Variants in ANKRD31 observed in about 807,000 individuals in gnomAD.
The protein encoded by ANKRD31 is ankyrin repeat domain 31.
In ANKRD31, 147 loss-of-function variants were observed where a neutral mutation model predicts 186.0. The ratio of observed to expected loss-of-function variants is 0.79; its 90% CI spans 0.69 to 0.91. ANKRD31 has a LOEUF of 0.91. Among genes scored for constraint, ANKRD31 ranks in the 40% least tolerant of loss-of-function variants. The pLI, the probability that ANKRD31 is intolerant of heterozygous loss-of-function variation, is 0.00. For missense variants in ANKRD31, 1,986 were observed against 2,148.8 expected, an observed-to-expected ratio of 0.92 and a Z score of 1.50; for synonymous variants, 673 against 736.4, an observed-to-expected ratio of 0.91 and a Z score of 1.39.
intron 23 of ANKRD31, among the ~76,000 whole-genome samples, chr5:75,088,553 G>T (rs1745678095): frequency 6.6e-6 from 1 of 152,150 alleles, no homozygotes. Context: ...CATGACTAAG[G>T]CTTTGCATAC....
rs73127350 is a variant in ANKRD31 at position 75,075,693 on chromosome 5, A to G, written c.5647+4875T>C. Among the ~76,000 whole-genome samples the G allele has an allele frequency of 2.2e-3, 337 of 152,300 alleles. 1 individual carries two copies. Among genetic ancestry groups the G allele is most frequent in the African/African-American group, 7.8e-3 (326 of 41,558 alleles). On this transcript the variant is annotated intron_variant, in intron 25 of 25. Coordinates refer to ENST00000506364, the MANE Select transcript of ANKRD31 (RefSeq NM_001372053.1). ...CCAAGCTTTGGGCCAGTGAAGAGAG[A>G]TGGGAACAGATAAAGACACCTAAAA...
intron 22 of ANKRD31, 60 bp from the exon 23 acceptor site, chr5:75,091,461 G>C (rs760197142): frequency 1.1e-5 from 17 of 1,484,406 alleles, no homozygotes; most frequent in Non-Finnish European, 1.4e-5. Context: ...GTGAATTTTT[G>C]CTTCTGGCCA....
chr5:75,140,327 A>AAGGAAGGAAGGAAGGT (rs1561469144), intron 15 of ANKRD31, among the ~76,000 whole-genome samples: 2 of 150,724 alleles, frequency 1.3e-5, no homozygotes, highest in African/African-American at 2.5e-5. Context: ...GGAAGGAAGG[A>AAGGAAGGAAGGAAGGT]AGGTAGGAAG....
chr5:75,207,346 A>AT (rs973000206), intron 4 of ANKRD31, among the ~76,000 whole-genome samples: 6 of 152,138 alleles, frequency 3.9e-5, no homozygotes, highest in East Asian at 1.9e-4. Context: ...CTAAAGTGTG[A>AT]TTTTTTAAGA....
intron 13 of ANKRD31, 61 bp downstream of exon 13, chr5:75,148,515 T>A (rs1751628636): frequency 1.7e-6 from 2 of 1,183,664 alleles, no homozygotes; most frequent in East Asian, 5.4e-5. Flanking sequence ...CCTTTGACAA[T>A]CTATGAAACA....
chr5:75,221,007 A>G (rs1269461522), intron 3 of ANKRD31, among the ~76,000 whole-genome samples: 1 of 152,180 alleles, frequency 6.6e-6, no homozygotes, highest in African/African-American at 2.4e-5. Flanking sequence ...AAAGAATGAG[A>G]TCATGTCCTT....
rs891502081 is a variant in ANKRD31, at chr5:75,147,181, C to T, written c.2230G>A (p.Asp744Asn). The change falls in exon 14 of 26, where the codon GAC becomes AAC. Residue 744 changes from aspartate (D) to asparagine (N), a missense_variant. Coordinates refer to ENST00000506364, the MANE Select transcript of ANKRD31 (RefSeq NM_001372053.1). ...GCTAGTATCTTTCTTGGATTACAGT[C>T]TACATCATCTACTTGGGTCCTTTTA... ...QHKRTQVDDV[D>N]CNPRKILAVS... The T allele has an allele frequency of 9.1e-6, 14 of 1,536,098 alleles. No homozygotes were observed. The highest frequency in any genetic ancestry group is 1.2e-5 in the Non-Finnish European group (14 of 1,146,256).
intron 10 of ANKRD31, among the ~76,000 whole-genome samples, chr5:75,176,582 C>T (rs1046878880): frequency 1.3e-4 from 20 of 152,240 alleles, no homozygotes; most frequent in Admixed American, 9.2e-4. Flanking sequence ...CACCAATATC[C>T]GCTCTTCTGC....
intron 22 of ANKRD31, among the ~76,000 whole-genome samples, chr5:75,099,168 T>C (rs1288418616): frequency 6.6e-6 from 1 of 152,228 alleles, no homozygotes; most frequent in Non-Finnish European, 1.5e-5. Context: ...CACAGGCCTT[T>C]TCTGCATCTA....
intron 1 of ANKRD31, among the ~76,000 whole-genome samples, chr5:75,230,857 T>A (rs6896496): frequency 0.1 from 15,707 of 152,230 alleles, 832 homozygotes; most frequent in East Asian, 0.14. Context: ...AAATATTCTG[T>A]TATTATTTTT....
chr5:75,210,885 T>C lies in ANKRD31; in HGVS notation c.289-20A>G, dbSNP rs1034366146. 10 of 1,491,084 alleles carry C rather than the reference T, an allele frequency of 6.7e-6. No individual in the cohort carries two copies. Among genetic ancestry groups the C allele is most frequent in the Admixed American group, 2.3e-5 (1 of 42,722 alleles). 92.4% of individuals were successfully genotyped at this position (1,491,084 alleles called of 1,614,324 possible). ...TTGAGACTGCTAGGAAAAAAAAAAGTTTTTTCCAACTGATAAGTGTTAATT... is the reference window on the plus strand; with the variant it reads ...TTGAGACTGCTAGGAAAAAAAAAAGCTTTTTCCAACTGATAAGTGTTAATT... On this transcript the variant is annotated intron_variant, in intron 3 of 25. Transcript: ENST00000506364.
chr5:75,141,081 G>T (rs1410949686), intron 15 of ANKRD31, among the ~76,000 whole-genome samples: 2 of 152,272 alleles, frequency 1.3e-5, no homozygotes, highest in East Asian at 3.9e-4. Flanking sequence ...TGCAAACTAA[G>T]GTTTGAGAAT....
In ANKRD31 at chr5:75,236,823, T is replaced by C; in HGVS notation, c.-137A>G. The stretch of plus-strand genomic sequence containing the variant: ...TAATCGCAGCAGGAGCCGGGACTTG[T>C]CGCAGGGCTGCTGAGGAGGACGCAG... On this transcript the variant is annotated 5_prime_UTR_variant, in exon 1 of 26. Coordinates refer to ENST00000506364, the MANE Select transcript of ANKRD31 (RefSeq NM_001372053.1). 1 of 753,772 alleles carries C rather than the reference T, an allele frequency of 1.3e-6. No individual in the cohort carries two copies. The highest frequency in any genetic ancestry group is 2.0e-6 in the Non-Finnish European group (1 of 494,420). 46.7% of individuals were successfully genotyped at this position (753,772 alleles called of 1,614,324 possible). A position where few individuals can be genotyped will look rare whatever the true frequency, so the allele number is the denominator to read the frequency against.
At chr5:75,132,513 T>A (rs1005153252) in intron 17 of ANKRD31, among the ~76,000 whole-genome samples, 2 of 152,128 alleles carry the variant, frequency 1.3e-5, no homozygotes, top group African/African-American at 4.8e-5. Flanking sequence ...AATATGGGAC[T>A]ATGTGAAAAG....
intron 10 of ANKRD31, among the ~76,000 whole-genome samples, chr5:75,173,005 C>G (rs570881339): frequency 6.6e-6 from 1 of 152,066 alleles, no homozygotes; most frequent in Non-Finnish European, 1.5e-5. Flanking sequence ...ACTGGCAAAC[C>G]GAATCCAGCA....
chr5:75,183,724 C>T (rs1386389911), intron 10 of ANKRD31, among the ~76,000 whole-genome samples: 3 of 151,998 alleles, frequency 2.0e-5, no homozygotes, highest in Non-Finnish European at 4.4e-5. Context: ...GATCTCCACA[C>T]TGAAAACTAC....
chr5:75,072,442 G>A (rs1744311223), intron 25 of ANKRD31, among the ~76,000 whole-genome samples: 1 of 152,074 alleles, frequency 6.6e-6, no homozygotes, highest in Admixed American at 6.6e-5. Flanking sequence ...TGGACCATGA[G>A]TTTACTTCAA....
chr5:75,098,526 T>C (rs1480948526), intron 22 of ANKRD31, among the ~76,000 whole-genome samples: 1 of 152,146 alleles, frequency 6.6e-6, no homozygotes, highest in Admixed American at 6.5e-5. Context: ...TTGGGCAGTA[T>C]GGCCATTTTC....
chr5:75,077,882 A>G (rs1008548765), intron 25 of ANKRD31, among the ~76,000 whole-genome samples: 3 of 143,164 alleles, frequency 2.1e-5, no homozygotes, highest in African/African-American at 7.8e-5. Flanking sequence ...CAGTGAGCCG[A>G]GATAGCGCCA....
Sources: allele counts gnomAD v4.1 joint callset (sites outside exome capture counted in the v4.1 genomes callset), GRCh38; gene constraint gnomAD v4.1.1; transcripts MANE v1.5; gene names NCBI Gene and HGNC (gene_info 2026-07-23, HGNC 2026-07-21).